The following SUPT6H variants were observed in gnomAD, a reference collection of about 807,000 sequenced individuals.
SUPT6H encodes the protein transcription elongation factor SPT6.
SUPT6H carries 11 observed loss-of-function variants against 222.3 expected under a neutral mutation model. That is an observed-to-expected ratio of 0.05 (90% confidence interval 0.03 to 0.08). The LOEUF is 0.08. Among genes scored for constraint, SUPT6H ranks in the 10% least tolerant of loss-of-function variants. The pLI is 1.00. For missense variants in SUPT6H, 1,422 were observed against 2,216.0 expected (o/e 0.64, Z 7.19); for synonymous variants, 762 against 801.2 (o/e 0.95, Z 0.83).
At chr17:28,663,082 C>T (rs1567680924) in intron 1 of SUPT6H, among the ~76,000 whole-genome samples, 2 of 152,156 alleles carry the variant, frequency 1.3e-5, no homozygotes, top group South Asian at 4.1e-4. Flanking sequence ...AAAATACTTC[C>T]GTGGAAATTC....
At chr17:28,678,776 C>G in intron 10 of SUPT6H, 45 bp from the exon 11 acceptor site, 1 of 1,613,868 alleles carries the variant, frequency 6.2e-7, no homozygotes, top group Non-Finnish European at 8.5e-7. Context: ...CCTTGAGTCT[C>G]CAGGGCTGAA....
chr17:28,666,856 C>T (rs139867211), intron 1 of SUPT6H, among the ~76,000 whole-genome samples: 9 of 152,092 alleles, frequency 5.9e-5, no homozygotes, highest in African/African-American at 2.2e-4. Context: ...CGCGCCCAGC[C>T]GAATAAATAA....
rs1189915374 is a variant in SUPT6H at position 28,695,468 on chromosome 17, A to G, written c.3891A>G (p.Lys1297=). 16 of 1,614,036 alleles carry G rather than the reference A, an allele frequency of 9.9e-6. No individual in the cohort carries two copies. The highest frequency in any genetic ancestry group is 1.3e-5 in the Non-Finnish European group (15 of 1,180,046). The change falls in exon 29 of 37, where the codon AAA becomes AAG. Residue 1297 remains lysine (K), a synonymous_variant. Transcript: ENST00000314616. ...GGAACAATGAGTGGAAGCTGCCCAA[A>G]GACACCTACTATGACTTTGATGCTG... The part of the protein sequence containing the change: ...MDRNNEWKLP[K]DTYYDFDAEA...
chr17:28,684,265 G>A (rs1322091021), intron 17 of SUPT6H, among the ~76,000 whole-genome samples: 1 of 152,118 alleles, frequency 6.6e-6, no homozygotes, highest in South Asian at 2.1e-4. Context: ...CGGGGGGCAG[G>A]TGAAGCATAA....
chr17:28,700,619 T>G, intron 35 of SUPT6H, 107 bp downstream of exon 35: 2 of 1,402,778 alleles, frequency 1.4e-6, no homozygotes. Flanking sequence ...TGCCACGGCC[T>G]TGGTAACTGT....
chr17:28,676,532 G>T, intron 7 of SUPT6H, 102 bp downstream of exon 7: 1 of 1,551,160 alleles, frequency 6.4e-7, no homozygotes, highest in Non-Finnish European at 8.7e-7. Flanking sequence ...GCACAGGTTT[G>T]AACCTCATCT....
At chr17:28,698,568 T>TA (rs1326248047) in intron 32 of SUPT6H, among the ~76,000 whole-genome samples, 1 of 151,988 alleles carries the variant, frequency 6.6e-6, no homozygotes, top group Non-Finnish European at 1.5e-5. Flanking sequence ...CTCTAGCGCT[T>TA]ACCCTGAACC....
At chr17:28,695,016 G>T (rs1038872125) in intron 28 of SUPT6H, 4 of 243,324 alleles carry the variant, frequency 1.6e-5, no homozygotes, top group Non-Finnish European at 3.2e-5. Flanking sequence ...AAAAGGAGGG[G>T]GGGTGTTGGG....
intron 26 of SUPT6H, 149 bp from the exon 27 acceptor site, chr17:28,690,772 T>A: frequency 1.0e-6 from 1 of 983,274 alleles, no homozygotes; most frequent in South Asian, 1.7e-5. Context: ...AGACTTCATC[T>A]CAAAAATAAA....
rs528074158 is a variant in SUPT6H, at chr17:28,674,506, C to T, written c.269-31C>T. ...AGGTTGCAGTGGAAAAGGGCAACCC[C>T]ATCACCATGGGCAACACTTTGTTTC... On this transcript the variant is annotated intron_variant, in intron 3 of 36. Transcript: ENST00000314616. 1.1e-5 allele frequency: 17 copies of T among 1,614,030 alleles called. No individual in the cohort carries two copies. The South Asian group carries it at 1.1e-4, about 10-fold the overall frequency.
intron 27 of SUPT6H, chr17:28,691,878 G>A (rs1029404288): frequency 6.6e-6 from 1 of 152,032 alleles, no homozygotes; most frequent in East Asian, 1.9e-4. Context: ...ACTTCTTATG[G>A]TCGCTGGGTC....
intron 1 of SUPT6H, among the ~76,000 whole-genome samples, chr17:28,668,417 T>G (rs1425922794): frequency 1.3e-5 from 2 of 152,180 alleles, no homozygotes; most frequent in African/African-American, 4.8e-5. Flanking sequence ...CTCCTGCAAG[T>G]TGCAGCAAGT....
intron 1 of SUPT6H, among the ~76,000 whole-genome samples, chr17:28,667,425 A>G (rs1464800629): frequency 7.4e-6 from 1 of 135,788 alleles, no homozygotes. Context: ...ATATATATAT[A>G]TATATATATA....
intron 9 of SUPT6H, 98 bp downstream of exon 9, chr17:28,678,290 A>T: frequency 1.8e-6 from 2 of 1,096,674 alleles, no homozygotes; most frequent in Non-Finnish European, 2.7e-6. Flanking sequence ...CCCTTCCCGT[A>T]TCCCCTATCC....
At chr17:28,695,202 CCAGTCTGCCATT>C in intron 28 of SUPT6H, 138 bp from the exon 29 acceptor site, 1 of 730,004 alleles carries the variant, frequency 1.4e-6, no homozygotes, top group East Asian at 2.7e-5. Context: ...CCCCAAACTC[CCAGTCTGCCATT>C]CAGCAGCTGG....
intron 1 of SUPT6H, among the ~76,000 whole-genome samples, 170 bp downstream of exon 1, chr17:28,662,512 C>G (rs144506270): frequency 3.3e-4 from 51 of 152,258 alleles, no homozygotes; most frequent in African/African-American, 1.2e-3. Context: ...GCTGTAGTTG[C>G]TCAGAGTCCG....
intron 19 of SUPT6H, among the ~76,000 whole-genome samples, chr17:28,685,882 C>T (rs1473288498): frequency 2.0e-5 from 3 of 152,298 alleles, no homozygotes; most frequent in African/African-American, 7.2e-5. Flanking sequence ...AAAAGGAGGA[C>T]ATGCAGGAGT....
intron 1 of SUPT6H, among the ~76,000 whole-genome samples, chr17:28,671,811 A>T (rs2030431518): frequency 6.6e-6 from 1 of 152,216 alleles, no homozygotes; most frequent in Admixed American, 6.5e-5. Context: ...TAATATTCTC[A>T]ACTATCCTGT....
Position 28,683,479 on chromosome 17 carries a change from G to A in SUPT6H, c.2033+57G>A. On this transcript the variant is annotated intron_variant, in intron 16 of 36. Transcript: ENST00000314616. ...GGGAAGGCCTGATGAGGAGTCTGGT[G>A]GAGGGAAGGGCCCCTCAGGAGTGGG... 6 of 1,604,532 alleles carry A rather than the reference G, an allele frequency of 3.7e-6. No homozygotes were observed. The East Asian group carries it at 1.3e-4, about 36-fold the overall frequency.
Sources: gnomAD v4.1 joint callset for allele counts (sites outside exome capture counted in the v4.1 genomes callset) on GRCh38, gnomAD v4.1.1 for gene constraint, MANE v1.5 for transcripts, NCBI Gene and HGNC (gene_info 2026-07-23, HGNC 2026-07-21) for gene names.